EDEM3: variants seen among roughly 807,000 people sequenced by gnomAD.
EDEM3 encodes the protein ER degradation enhancing alpha-mannosidase like protein 3, also known as ER degradation-enhancing alpha-mannosidase-like protein 3.
Under a neutral mutation model 110.2 loss-of-function variants are expected in EDEM3, and 60 were observed. That is an observed-to-expected ratio of 0.54 (90% CI 0.44 to 0.67). EDEM3 has a LOEUF of 0.67. EDEM3 is among the 30% of genes least tolerant of loss of function. EDEM3 has a pLI of 0.00. For missense variants in EDEM3, 996 were observed against 1,121.0 expected (o/e 0.89, Z 1.59); for synonymous variants, 352 against 382.9 (o/e 0.92, Z 0.94).
intron 19 of EDEM3, among the ~76,000 whole-genome samples, chr1:184,695,925 T>C (rs1029032447): frequency 6.6e-5 from 10 of 151,924 alleles, no homozygotes; most frequent in South Asian, 4.1e-4. Flanking sequence ...GCATGATGAA[T>C]GCTTGGAAAA....
At chr1:184,706,535 A>T (rs187077799) in intron 18 of EDEM3, 108 bp downstream of exon 18, 15 of 1,054,934 alleles carry the variant, frequency 1.4e-5, no homozygotes, top group Non-Finnish European at 1.7e-5. Flanking sequence ...TAGGTGAGGT[A>T]AAAAAAACTA....
At chr1:184,737,816 G>C (rs1472661412) in intron 2 of EDEM3, 105 bp from the exon 3 acceptor site, 5 of 955,968 alleles carry the variant, frequency 5.2e-6, no homozygotes, top group Admixed American at 5.0e-5. Context: ...ATAGTCAAAA[G>C]TTGTACTAAA....
At chr1:184,705,493 A>T (rs1265258851) in intron 18 of EDEM3, among the ~76,000 whole-genome samples, 1 of 152,174 alleles carries the variant, frequency 6.6e-6, no homozygotes, top group Non-Finnish European at 1.5e-5. Context: ...TGTCCCAATA[A>T]AACTTTTATT....
chr1:184,704,006 A>G (rs1244325126), intron 18 of EDEM3, among the ~76,000 whole-genome samples: 3 of 152,208 alleles, frequency 2.0e-5, no homozygotes, highest in Non-Finnish European at 4.4e-5. Context: ...AAAAGTTCAG[A>G]AGGACCCAGA....
intron 19 of EDEM3, among the ~76,000 whole-genome samples, chr1:184,699,972 C>T (rs12060621): frequency 3.3e-5 from 5 of 151,592 alleles, no homozygotes; most frequent in African/African-American, 4.8e-5. Context: ...TGTGGGCACA[C>T]GGTTGGAATA....
At chr1:184,719,726 A>C (rs569564158) in intron 9 of EDEM3, among the ~76,000 whole-genome samples, 158 bp from the exon 10 acceptor site, 1 of 152,338 alleles carries the variant, frequency 6.6e-6, no homozygotes, top group East Asian at 1.9e-4. Flanking sequence ...TTTTAGATGG[A>C]GATCTTTCTA....
rs549303261 is a variant in EDEM3, at chr1:184,732,183, C to A, written c.612+654G>T. Among the ~76,000 whole-genome samples, 58 of 147,674 alleles carry A rather than the reference C, an allele frequency of 3.9e-4. No homozygotes were observed. In the East Asian group the frequency reaches 8.5e-3, roughly 22 times the overall value. On this transcript the variant is annotated intron_variant, in intron 6 of 19. Transcript: ENST00000318130. Reference sequence around the variant, plus strand: ...AGTGGGAGACTCCATTCCCCCCCACCAAAAAAAAGAAATAAGCCAGGCATA... The same window carrying A: ...AGTGGGAGACTCCATTCCCCCCCACAAAAAAAAAGAAATAAGCCAGGCATA...
At chr1:184,734,693 G>T in intron 4 of EDEM3, 50 bp from the exon 5 acceptor site, 1 of 651,212 alleles carries the variant, frequency 1.5e-6, no homozygotes, top group Non-Finnish European at 2.4e-6. Flanking sequence ...AAGACAAGGA[G>T]AAACGTTCCT....
chr1:184,750,387 C>T (rs866274877), intron 1 of EDEM3, among the ~76,000 whole-genome samples: 32 of 152,242 alleles, frequency 2.1e-4, no homozygotes, highest in Middle Eastern at 6.8e-3. Context: ...AGGAAGCAGC[C>T]TTTCAATTAA....
intron 4 of EDEM3, among the ~76,000 whole-genome samples, chr1:184,736,616 GAAAA>G (rs1251409549): frequency 6.6e-6 from 1 of 151,998 alleles, no homozygotes; most frequent in Non-Finnish European, 1.5e-5. Flanking sequence ...TCACTGCTGG[GAAAA>G]ATTAATTTTT....
chr1:184,733,099 C>A, intron 5 of EDEM3, 109 bp from the exon 6 acceptor site: 2 of 1,149,230 alleles, frequency 1.7e-6, no homozygotes, highest in Admixed American at 2.7e-5. Context: ...TAAGGAAAGA[C>A]AAAAATTACT....
intron 6 of EDEM3, among the ~76,000 whole-genome samples, chr1:184,726,879 G>A (rs1651222752): frequency 6.6e-6 from 1 of 152,188 alleles, no homozygotes; most frequent in Non-Finnish European, 1.5e-5. Flanking sequence ...CATTTGAAAG[G>A]AAATTAAAAT....
At chr1:184,737,881 T>C in intron 2 of EDEM3, 170 bp from the exon 3 acceptor site, 1 of 621,058 alleles carries the variant, frequency 1.6e-6, no homozygotes, top group South Asian at 2.6e-5. Context: ...TAATACATGC[T>C]TGGAAAAAAG....
At chr1:184,717,663 T>C in intron 11 of EDEM3, 40 bp from the exon 12 acceptor site, 1 of 1,492,914 alleles carries the variant, frequency 6.7e-7, no homozygotes. Context: ...AAAATGTGAT[T>C]AAATACACAA....
Position 184,754,607 on chromosome 1 carries a change from G to A in EDEM3, c.40C>T (p.Pro14Ser). ...ACTAGTCTCCATCGCGCTCGCTGGG[G>A]AACCGGGGACCCACAGCCCCGGCCG... is the stretch of plus-strand genomic sequence containing the variant. ...AGGRGCGSPV[P>S]QRARWRLVAA... is the part of the protein sequence containing the mutation. Residue 14 changes from proline to serine, a missense_variant, in exon 1 of 20, where the codon CCC becomes TCC. By Grantham distance (74) the Pro-to-Ser change is moderately conservative. This residue lies in a region of EDEM3 where 200 missense variants were observed against 183.8 expected (regional missense o/e 1.09). Coordinates refer to ENST00000318130, the MANE Select transcript of EDEM3 (RefSeq NM_025191.4). 1 of 1,607,874 alleles carries A rather than the reference G, an allele frequency of 6.2e-7. No individual in the cohort carries two copies. Among genetic ancestry groups the A allele is most frequent in the Non-Finnish European group, 8.5e-7 (1 of 1,177,496 alleles).
intron 6 of EDEM3, among the ~76,000 whole-genome samples, chr1:184,729,146 T>G (rs1333438496): frequency 6.6e-6 from 1 of 152,140 alleles, no homozygotes; most frequent in Non-Finnish European, 1.5e-5. Flanking sequence ...AGGAGCTTAT[T>G]GTCCTGCTTT....
rs1412237540 is a variant in EDEM3, at chr1:184,690,245, C to T, written c.*3818G>A. ...CAAGCGCTGGATCATAATTTATACA[C>T]AATTCTAGAGTTTTATTCACTTAGC... On this transcript the variant is annotated 3_prime_UTR_variant, in exon 20 of 20. Transcript: ENST00000318130. 6.6e-6 allele frequency: 1 copy of T among 152,124 alleles called. No individual in the cohort carries two copies. Among genetic ancestry groups the T allele is most frequent in the South Asian group, 2.1e-4 (1 of 4,830 alleles). 9.4% of individuals were successfully genotyped at this position (152,124 alleles called of 1,614,324 possible).
chr1:184,728,085 C>T (rs1156832826), intron 6 of EDEM3, among the ~76,000 whole-genome samples: 1 of 152,098 alleles, frequency 6.6e-6, no homozygotes, highest in Non-Finnish European at 1.5e-5. Context: ...ATCAACTAAT[C>T]AATATTTATT....
Position 184,732,950 on chromosome 1 carries a change from C to T in EDEM3, c.499G>A (p.Glu167Lys). Reference sequence around the variant, plus strand: ...TACCACTGCATATATTCACCTTTTTCTTTCAGCATGATTGCCAGGGAGTGC... The same window carrying T: ...TACCACTGCATATATTCACCTTTTTTTTTCAGCATGATTGCCAGGGAGTGC... Reference protein sequence around the residue: ...GGHSLAIMLKEKGEYMQWYND... With the variant: ...GGHSLAIMLKKKGEYMQWYND... The change falls in exon 6 of 20, where the codon GAA becomes AAA. Residue 167 changes from glutamate (E) to lysine (K), a missense_variant. Physicochemically the swap from Glu to Lys is moderately conservative, Grantham distance 56. This residue lies in a region of EDEM3 where 310 missense variants were observed against 394.6 expected (regional missense o/e 0.79). Transcript: ENST00000318130. 1.9e-6 allele frequency: 3 copies of T among 1,613,870 alleles called. No individual in the cohort carries two copies. The highest frequency in any genetic ancestry group is 2.5e-6 in the Non-Finnish European group (3 of 1,179,850).
Sources: allele counts gnomAD v4.1 joint callset (sites outside exome capture counted in the v4.1 genomes callset), GRCh38; gene constraint gnomAD v4.1.1; regional missense constraint gnomAD v4.1.1; transcripts MANE v1.5; gene names NCBI Gene and HGNC (gene_info 2026-07-23, HGNC 2026-07-21).